The following DNAJB6 variants were observed in gnomAD, a reference collection of about 807,000 sequenced individuals.
DNAJB6 encodes the protein DnaJ heat shock protein family (Hsp40) member B6.
In DNAJB6, 16 loss-of-function variants were observed where a neutral mutation model predicts 42.7. The ratio of observed to expected loss-of-function variants is 0.37; its 90% CI spans 0.25 to 0.57. The LOEUF is 0.57. DNAJB6 is among the 20% of genes least tolerant of loss of function. The pLI is 0.74. For missense variants in DNAJB6, 347 were observed against 416.8 expected, an observed-to-expected ratio of 0.83 and a Z score of 1.46; for synonymous variants, 170 against 163.5, an observed-to-expected ratio of 1.04 and a Z score of -0.30.
chr7:157,342,860 T>C (rs749023012), intron 1 of DNAJB6, among the ~76,000 whole-genome samples: 1 of 152,208 alleles, frequency 6.6e-6, no homozygotes, highest in Non-Finnish European at 1.5e-5. Context: ...AAATAACTTC[T>C]GTGTTTGTTT....
At chr7:157,388,507 C>G (rs1056989783) in intron 8 of DNAJB6, among the ~76,000 whole-genome samples, 17 of 152,180 alleles carry the variant, frequency 1.1e-4, no homozygotes, top group African/African-American at 3.9e-4. Context: ...TGTGCACAGC[C>G]CCATGTGGTC....
At chr7:157,362,249 C>G (rs1799640572) in intron 2 of DNAJB6, among the ~76,000 whole-genome samples, 1 of 152,160 alleles carries the variant, frequency 6.6e-6, no homozygotes, top group Non-Finnish European at 1.5e-5. Flanking sequence ...GGTGATTCAC[C>G]TTTGGCACAC....
chr7:157,378,896 A>G (rs1800610464), intron 5 of DNAJB6: 1 of 152,162 alleles, frequency 6.6e-6, no homozygotes, highest in South Asian at 2.1e-4. Context: ...AATATTATAA[A>G]TTTTGAAATT....
intron 8 of DNAJB6, among the ~76,000 whole-genome samples, chr7:157,392,769 A>G (rs1444002282): frequency 6.6e-6 from 1 of 152,114 alleles, no homozygotes; most frequent in East Asian, 1.9e-4. Context: ...GTGGCAGACT[A>G]ATTTTTTTAA....
chr7:157,369,912 C>CCCCTTCTTAACATTATTATTAAACGGGA (rs1563128543), intron 5 of DNAJB6, among the ~76,000 whole-genome samples: 14 of 147,706 alleles, frequency 9.5e-5, no homozygotes, highest in East Asian at 5.9e-4. Context: ...ATTAAACAGG[C>CCCCTTCTTAACATTATTATTAAACGGGA]CCCTTCTTAA....
intron 1 of DNAJB6, among the ~76,000 whole-genome samples, chr7:157,342,321 C>G (rs1798436382): frequency 6.9e-6 from 1 of 144,988 alleles, no homozygotes; most frequent in East Asian, 2.0e-4. Flanking sequence ...GCACGTGCCA[C>G]TATCCTGGCT....
At chr7:157,361,376 C>G (rs993285430) in intron 2 of DNAJB6, among the ~76,000 whole-genome samples, 2 of 152,106 alleles carry the variant, frequency 1.3e-5, no homozygotes, top group African/African-American at 2.4e-5. Flanking sequence ...CCAGGATGGT[C>G]TCGATCTCTT....
intron 5 of DNAJB6, among the ~76,000 whole-genome samples, chr7:157,375,992 AATC>A (rs1254792247): frequency 6.6e-6 from 1 of 152,108 alleles, no homozygotes; most frequent in Non-Finnish European, 1.5e-5. Context: ...TGGGTCCTGA[AATC>A]ATGACAGCAG....
At chr7:157,409,707 C>T in intron 8 of DNAJB6, 88 bp from the exon 9 acceptor site, 3 of 1,372,936 alleles carry the variant, frequency 2.2e-6, no homozygotes, top group South Asian at 2.9e-5. Context: ...TCAGGGAGAT[C>T]GTGCGGCCAG....
rs530899606 is a variant in DNAJB6, at chr7:157,362,849, G to A, written c.66-312G>A. ...AATTTTGAGACAGTCTTGTTCTGTC[G>A]CCCAGGCTGGACTGCAGTGGTGTGA... On this transcript the variant is annotated intron_variant, in intron 2 of 9. Transcript: ENST00000262177. Among the ~76,000 whole-genome samples the A allele has an allele frequency of 9.9e-5, 15 of 152,082 alleles. 1 individual carries two copies. Among genetic ancestry groups the A allele is most frequent in the African/African-American group, 3.6e-4 (15 of 41,496 alleles).
At position 157,351,351 on chromosome 7, in the gene DNAJB6, G is replaced by A. The variant is rs554818217; in HGVS notation, c.-26-7196G>A. ...CTCTATTAAAAAACTGTTGTGGGCC[G>A]GGCACGGTGGCTCATGTCTGTAATC... is the stretch of plus-strand genomic sequence containing the variant. On this transcript the variant is annotated intron_variant, in intron 1 of 9. Transcript: ENST00000262177. Among the ~76,000 whole-genome samples, 8 of 152,168 alleles carry A rather than the reference G, an allele frequency of 5.3e-5. No individual in the cohort carries two copies. The East Asian group carries it at 1.2e-3, about 22-fold the overall frequency.
intron 8 of DNAJB6, among the ~76,000 whole-genome samples, chr7:157,390,422 G>A (rs1201799325): frequency 6.6e-6 from 1 of 152,200 alleles, no homozygotes; most frequent in Non-Finnish European, 1.5e-5. Context: ...ACAGGGCAGC[G>A]CTGTCATCCC....
intron 1 of DNAJB6, among the ~76,000 whole-genome samples, chr7:157,342,950 GT>G (rs11352517): frequency 0.55 from 81,033 of 148,254 alleles, 22,214 homozygotes; most frequent in East Asian, 0.75. Flanking sequence ...ACTGCTGTGG[GT>G]TTTTTTTTTT....
chr7:157,349,098 T>C (rs1313015261), intron 1 of DNAJB6, among the ~76,000 whole-genome samples: 2 of 152,264 alleles, frequency 1.3e-5, no homozygotes, highest in East Asian at 3.9e-4. Flanking sequence ...CTCACGCTTA[T>C]CTGGAATTCC....
At chr7:157,354,239 C>T (rs964940310) in intron 1 of DNAJB6, among the ~76,000 whole-genome samples, 2 of 152,086 alleles carry the variant, frequency 1.3e-5, no homozygotes, top group African/African-American at 2.4e-5. Flanking sequence ...CCTCCGCTTC[C>T]TGGGTTCAAG....
At chr7:157,363,470 G>C (rs1799706516) in intron 3 of DNAJB6, among the ~76,000 whole-genome samples, 200 bp downstream of exon 3, 1 of 152,176 alleles carries the variant, frequency 6.6e-6, no homozygotes, top group African/African-American at 2.4e-5. Context: ...GTGCTGGGGA[G>C]CTCCAGGGCT....
chr7:157,410,499 C>A (rs80196145), intron 9 of DNAJB6: 326 of 181,566 alleles, frequency 1.8e-3, no homozygotes, highest in Non-Finnish European at 3.1e-3. Context: ...CCGCCCACCC[C>A]CCGTGGGGTT....
intron 1 of DNAJB6, among the ~76,000 whole-genome samples, chr7:157,347,544 T>C (rs923482241): frequency 4.6e-5 from 7 of 152,198 alleles, no homozygotes; most frequent in African/African-American, 1.7e-4. Flanking sequence ...CATTGACATT[T>C]ACTTAATTCC....
At chr7:157,349,791 C>T (rs936739795) in intron 1 of DNAJB6, among the ~76,000 whole-genome samples, 1 of 152,120 alleles carries the variant, frequency 6.6e-6, no homozygotes, top group Admixed American at 6.5e-5. Context: ...ATTACAGGTT[C>T]ATGCCACCAC....
Sources: gnomAD v4.1 joint callset for allele counts (sites outside exome capture counted in the v4.1 genomes callset) on GRCh38, gnomAD v4.1.1 for gene constraint, MANE v1.5 for transcripts, NCBI Gene and HGNC (gene_info 2026-07-23, HGNC 2026-07-21) for gene names.